The following RORB variants were observed in gnomAD, a reference collection of about 807,000 sequenced individuals.
RORB encodes the protein RAR related orphan receptor B.
In RORB, 6 loss-of-function variants were observed where a neutral mutation model predicts 59.1. The observed-to-expected ratio is 0.10, with a 90% confidence interval of 0.06 to 0.20. The LOEUF (loss-of-function observed/expected upper bound fraction) is 0.20, where lower values mean the gene tolerates loss of function less well. Among genes scored for constraint, RORB ranks in the 10% least tolerant of loss-of-function variants. RORB has a pLI of 1.00. For synonymous variants in RORB, 215 were observed against 204.5 expected (o/e 1.05, Z -0.44); for missense variants, 320 against 560.5 (o/e 0.57, Z 4.33).
At chr9:74,583,308 A>G (rs1822752240) in intron 1 of RORB, among the ~76,000 whole-genome samples, 1 of 152,142 alleles carries the variant, frequency 6.6e-6, no homozygotes, top group Non-Finnish European at 1.5e-5. Flanking sequence ...CATGCCCCCA[A>G]GCACCTTCTC....
chr9:74,614,002 T>C (rs1823272620), intron 1 of RORB, among the ~76,000 whole-genome samples: 1 of 152,190 alleles, frequency 6.6e-6, no homozygotes, highest in Non-Finnish European at 1.5e-5. Context: ...GCTGATTGCA[T>C]GTTTTTGCTA....
At chr9:74,512,483 C>A (rs1199482278) in intron 1 of RORB, among the ~76,000 whole-genome samples, 1 of 152,184 alleles carries the variant, frequency 6.6e-6, no homozygotes, top group East Asian at 1.9e-4. Context: ...AGTACTAACA[C>A]CCCTAATACA....
chr9:74,553,406 A>G (rs1375622514), intron 1 of RORB, among the ~76,000 whole-genome samples: 2 of 152,136 alleles, frequency 1.3e-5, no homozygotes, highest in African/African-American at 4.8e-5. Context: ...GAATTTTGAG[A>G]CCCGGAGTAG....
At chr9:74,605,912 C>G (rs1587381705) in intron 1 of RORB, among the ~76,000 whole-genome samples, 2 of 152,084 alleles carry the variant, frequency 1.3e-5, no homozygotes, top group African/African-American at 4.8e-5. Context: ...GTTCCTGGAC[C>G]ACATCTCAGT....
chr9:74,599,657 T>C (rs1823024327), intron 1 of RORB, among the ~76,000 whole-genome samples: 1 of 152,188 alleles, frequency 6.6e-6, no homozygotes, highest in Admixed American at 6.5e-5. Context: ...TCCAACCACA[T>C]TGTAACCATG....
At chr9:74,502,299 A>G (rs10869408) in intron 1 of RORB, among the ~76,000 whole-genome samples, 44,973 of 151,956 alleles carry the variant, frequency 0.3, 7,012 homozygotes, top group Admixed American at 0.39. Context: ...TAAATCTCAT[A>G]ATAATACCTA....
chr9:74,580,875 T>G (rs944588245), intron 1 of RORB, among the ~76,000 whole-genome samples: 3 of 152,168 alleles, frequency 2.0e-5, no homozygotes, highest in African/African-American at 7.2e-5. Context: ...CAAAAATTTC[T>G]CTAGAAAGTC....
At chr9:74,643,315 G>C (rs1823841795) in intron 4 of RORB, among the ~76,000 whole-genome samples, 2 of 152,318 alleles carry the variant, frequency 1.3e-5, no homozygotes, top group South Asian at 2.1e-4. Flanking sequence ...AGACCGCCAA[G>C]GCTCTTGGAA....
At chr9:74,642,340 G>C in intron 3 of RORB, 74 bp from the exon 4 acceptor site, 1 of 1,442,834 alleles carries the variant, frequency 6.9e-7, no homozygotes, top group Non-Finnish European at 9.4e-7. Flanking sequence ...ACCATCCCAT[G>C]ACCCGTTGTA....
intron 1 of RORB, among the ~76,000 whole-genome samples, chr9:74,623,047 A>C (rs1487910331): frequency 6.6e-6 from 1 of 152,318 alleles, no homozygotes; most frequent in South Asian, 2.1e-4. Context: ...CACATGTTGG[A>C]TTTCCAGAAC....
intron 1 of RORB, among the ~76,000 whole-genome samples, chr9:74,589,482 T>G (rs568823147): frequency 6.6e-6 from 1 of 152,244 alleles, no homozygotes; most frequent in South Asian, 2.1e-4. Flanking sequence ...TATGAGACAG[T>G]GGGCAAGTCA....
intron 4 of RORB, among the ~76,000 whole-genome samples, chr9:74,655,658 T>A (rs1199818324): frequency 6.6e-6 from 1 of 152,218 alleles, no homozygotes; most frequent in Non-Finnish European, 1.5e-5. Flanking sequence ...AAACTTTGCA[T>A]ACTGTATTCA....
intron 9 of RORB, among the ~76,000 whole-genome samples, chr9:74,679,499 G>C (rs534056278): frequency 4.7e-4 from 71 of 152,216 alleles, no homozygotes; most frequent in African/African-American, 1.7e-3. Flanking sequence ...GATCCCCCAA[G>C]TTTTTAAATT....
At chr9:74,638,820 G>T (rs1823745943) in intron 3 of RORB, among the ~76,000 whole-genome samples, 1 of 152,126 alleles carries the variant, frequency 6.6e-6, no homozygotes, top group African/African-American at 2.4e-5. Context: ...CAATGTTTCT[G>T]AAATAAATGG....
At chr9:74,565,205 C>A (rs556894402) in intron 1 of RORB, among the ~76,000 whole-genome samples, 1 of 152,276 alleles carries the variant, frequency 6.6e-6, no homozygotes, top group African/African-American at 2.4e-5. Context: ...TAAAAACACC[C>A]AATCTTTGCA....
intron 1 of RORB, among the ~76,000 whole-genome samples, chr9:74,604,905 T>C (rs187347350): frequency 6.6e-6 from 1 of 152,306 alleles, no homozygotes; most frequent in East Asian, 1.9e-4. Context: ...AGTGTTAAGG[T>C]TAAGAAACAA....
At chr9:74,588,536 A>G (rs1296885540) in intron 1 of RORB, among the ~76,000 whole-genome samples, 2 of 152,200 alleles carry the variant, frequency 1.3e-5, no homozygotes, top group African/African-American at 2.4e-5. Flanking sequence ...ATCCTAATAA[A>G]TGCCAATATA....
At chr9:74,613,625 C>T (rs570811174) in intron 1 of RORB, among the ~76,000 whole-genome samples, 30 of 152,260 alleles carry the variant, frequency 2.0e-4, no homozygotes, top group Admixed American at 1.1e-3. Flanking sequence ...TTTTTAAGCT[C>T]TCTGGGTTAT....
At chr9:74,639,686 A>C (rs1823763035) in intron 3 of RORB, among the ~76,000 whole-genome samples, 1 of 152,208 alleles carries the variant, frequency 6.6e-6, no homozygotes, top group Admixed American at 6.5e-5. Flanking sequence ...ATGGATACAA[A>C]CCTTGTATTC....
Sources: allele counts gnomAD v4.1 joint callset (sites outside exome capture counted in the v4.1 genomes callset), GRCh38; gene constraint gnomAD v4.1.1; transcripts MANE v1.5; gene names NCBI Gene and HGNC (gene_info 2026-07-23, HGNC 2026-07-21).